SCHIP1: variants seen among roughly 807,000 people sequenced by gnomAD.
SCHIP1 encodes schwannomin interacting protein 1.
In SCHIP1, 8 loss-of-function variants were observed where a neutral mutation model predicts 29.7. The ratio of observed to expected loss-of-function variants is 0.27; its 90% CI spans 0.16 to 0.49. SCHIP1 has a LOEUF of 0.49. Among genes scored for constraint, SCHIP1 ranks in the 20% least tolerant of loss-of-function variants. SCHIP1 has a pLI of 0.99. For synonymous variants in SCHIP1, 76 were observed against 94.9 expected, an observed-to-expected ratio of 0.80 and a Z score of 1.16; for missense variants, 193 against 294.6, an observed-to-expected ratio of 0.66 and a Z score of 2.52.
chr3:159,674,717 A>C, the SCHIP1 span, among the ~76,000 whole-genome samples: 1 of 152,088 alleles, frequency 6.6e-6, no homozygotes, highest in African/African-American at 2.4e-5. Context: ...CTGCTCCCTA[A>C]GTGAGAACCT....
At chr3:159,446,184 CT>C in the SCHIP1 span, among the ~76,000 whole-genome samples, 19 of 151,970 alleles carry the variant, frequency 1.3e-4, no homozygotes, top group Non-Finnish European at 2.2e-4. Flanking sequence ...TGTAATATAA[CT>C]TTTTTTATTT....
chr3:159,725,141 G>T, the SCHIP1 span, among the ~76,000 whole-genome samples: 1 of 152,032 alleles, frequency 6.6e-6, no homozygotes, highest in African/African-American at 2.4e-5. Context: ...AGCCCTTCTT[G>T]GGGACTCTCT....
the SCHIP1 span, among the ~76,000 whole-genome samples, chr3:159,336,810 T>G: frequency 6.6e-6 from 1 of 152,214 alleles, no homozygotes; most frequent in Non-Finnish European, 1.5e-5. Context: ...GGCTTAGGAT[T>G]GACTTGGCAA....
At chr3:159,713,240 GAA>G in the SCHIP1 span, among the ~76,000 whole-genome samples, 1 of 81,408 alleles carries the variant, frequency 1.2e-5, no homozygotes, top group African/African-American at 5.3e-5. Flanking sequence ...AAGGAAGAAA[GAA>G]AGAAAGAAAG....
exon 7 of SCHIP1, chr3:159,896,932 A>G: frequency 5.5e-6 from 4 of 726,658 alleles, no homozygotes; most frequent in Non-Finnish European, 8.0e-6. Context: ...TTCTTAATTT[A>G]TTTTAATTTT....
the SCHIP1 span, among the ~76,000 whole-genome samples, chr3:159,369,132 C>A: frequency 6.6e-6 from 1 of 152,212 alleles, no homozygotes; most frequent in East Asian, 1.9e-4. Flanking sequence ...GAGCCTTTTT[C>A]TCTAGTTTCA....
chr3:159,843,184 T>C (rs1419459937), intron 1 of SCHIP1, among the ~76,000 whole-genome samples: 2 of 151,456 alleles, frequency 1.3e-5, no homozygotes, highest in Admixed American at 6.6e-5. Context: ...AGCTAATTTT[T>C]GCATTTTTAC....
the SCHIP1 span, among the ~76,000 whole-genome samples, chr3:159,453,982 C>G: frequency 6.6e-6 from 1 of 152,182 alleles, no homozygotes; most frequent in Non-Finnish European, 1.5e-5. Flanking sequence ...TGTGTCTAAG[C>G]CCAAGCTAGG....
the SCHIP1 span, among the ~76,000 whole-genome samples, chr3:159,519,844 G>A: frequency 1.8e-4 from 24 of 135,066 alleles, no homozygotes; most frequent in Non-Finnish European, 3.5e-4. Flanking sequence ...GGCCCTCAAG[G>A]CATTATCAGT....
At chr3:159,465,339 GTT>G in the SCHIP1 span, among the ~76,000 whole-genome samples, 3 of 150,282 alleles carry the variant, frequency 2.0e-5, no homozygotes, top group African/African-American at 7.4e-5. Context: ...GTGTGTGTGT[GTT>G]TGTGTGCGTG....
At chr3:159,807,790 G>T in the SCHIP1 span, among the ~76,000 whole-genome samples, 1 of 152,202 alleles carries the variant, frequency 6.6e-6, no homozygotes, top group Admixed American at 6.5e-5. Context: ...TGTGAGTTGT[G>T]AAGGAGAGAA....
the SCHIP1 span, among the ~76,000 whole-genome samples, chr3:159,671,790 A>T: frequency 8.5e-5 from 13 of 152,296 alleles, no homozygotes; most frequent in South Asian, 8.3e-4. Context: ...TTGATTTAAA[A>T]ATCACTTTCA....
chr3:159,423,497 G>T, the SCHIP1 span, among the ~76,000 whole-genome samples: 1 of 152,250 alleles, frequency 6.6e-6, no homozygotes, highest in Admixed American at 6.5e-5. Flanking sequence ...CGGCAGCGAG[G>T]CTGGGGGAGG....
chr3:159,491,667 C>A, the SCHIP1 span, among the ~76,000 whole-genome samples: 1 of 152,376 alleles, frequency 6.6e-6, no homozygotes, highest in African/African-American at 2.4e-5. Flanking sequence ...TCTATAGGCT[C>A]CACCTCTGGT....
At chr3:159,464,332 C>T in the SCHIP1 span, among the ~76,000 whole-genome samples, 1 of 152,112 alleles carries the variant, frequency 6.6e-6, no homozygotes, top group South Asian at 2.1e-4. Flanking sequence ...AGCTCTTGGC[C>T]AACAAGTTGC....
the SCHIP1 span, among the ~76,000 whole-genome samples, chr3:159,465,337 G>GTA: frequency 6.6e-6 from 1 of 151,332 alleles, no homozygotes; most frequent in African/African-American, 2.4e-5. Context: ...GTGTGTGTGT[G>GTA]TGTTTGTGTG....
chr3:159,470,353 A>C, the SCHIP1 span, among the ~76,000 whole-genome samples: 1 of 152,188 alleles, frequency 6.6e-6, no homozygotes, highest in African/African-American at 2.4e-5. Flanking sequence ...ATACACAGAC[A>C]GTCAAAGGTA....
chr3:159,387,846 C>T, the SCHIP1 span, among the ~76,000 whole-genome samples: 1 of 152,180 alleles, frequency 6.6e-6, no homozygotes, highest in Non-Finnish European at 1.5e-5. Context: ...ACACCATCCA[C>T]ATACCAGTGC....
the SCHIP1 span, among the ~76,000 whole-genome samples, chr3:159,647,660 A>T: frequency 6.6e-6 from 1 of 152,124 alleles, no homozygotes; most frequent in Admixed American, 6.6e-5. Context: ...TAATATTCTG[A>T]TGCTTTTTAC....
Sources: gnomAD v4.1 joint callset for allele counts (sites outside exome capture counted in the v4.1 genomes callset) on GRCh38, gnomAD v4.1.1 for gene constraint, MANE v1.5 for transcripts, NCBI Gene and HGNC (gene_info 2026-07-23, HGNC 2026-07-21) for gene names.